COQ9: variants seen among roughly 807,000 people sequenced by gnomAD.
The protein encoded by COQ9 is coenzyme Q9.
COQ9 carries 35 observed loss-of-function variants against 42.4 expected under a neutral mutation model. The ratio of observed to expected loss-of-function variants is 0.83; its 90% CI spans 0.63 to 1.10. The LOEUF is 1.10. Ranked by LOEUF, COQ9 falls within the 50% of genes least tolerant of loss-of-function variation. The pLI, the probability that COQ9 is intolerant of heterozygous loss-of-function variation, is 0.00. For synonymous variants in COQ9, 155 were observed against 155.1 expected (o/e 1.00, Z 0.00); for missense variants, 406 against 414.6 (o/e 0.98, Z 0.18).
In COQ9 at chr16:57,451,165, G is replaced by T. The variant is rs768843120; in HGVS notation, c.199G>T (p.Gly67Trp). 7.4e-6 allele frequency: 12 copies of T among 1,614,128 alleles called. No homozygotes were observed. The South Asian group carries it at 1.3e-4, about 18-fold the overall frequency. Reference protein sequence around the residue: ...SFSQQHSETQGAEKPDPESSH... With the variant: ...SFSQQHSETQWAEKPDPESSH... ...TTCTCAGCAGCATTCTGAGACACAG[G>T]GGGCAGAAAAACCTGATCCAGAGTC... Residue 67 changes from glycine to tryptophan, a missense_variant, in exon 2 of 9, where the codon GGG (glycine) becomes TGG (tryptophan). By Grantham distance (184) the Gly-to-Trp change is radical. Transcript: ENST00000262507.
At chr16:57,455,271 G>T (rs1243882813) in intron 3 of COQ9, among the ~76,000 whole-genome samples, 1 of 151,672 alleles carries the variant, frequency 6.6e-6, no homozygotes, top group African/African-American at 2.4e-5. Flanking sequence ...TTGAGTATGA[G>T]GAGTTTTTGA....
In COQ9 at chr16:57,459,629, T is replaced by C; in HGVS notation, c.776T>C (p.Met259Thr). ...AIYNTTELVMMQDSSPDFEDT... is the reference protein window; with the variant it reads ...AIYNTTELVMTQDSSPDFEDT... The stretch of plus-strand genomic sequence containing the variant: ...TACAACACAACAGAGCTGGTGATGA[T>C]GCAGGACTCCTCTCCAGACTTTGAG... Residue 259 changes from methionine to threonine, a missense_variant, in exon 7 of 9, where the codon ATG (methionine) becomes ACG (threonine). By Grantham distance (81) the Met-to-Thr change is moderately conservative. Transcript: ENST00000262507. The C allele has an allele frequency of 6.2e-7, 1 of 1,614,136 alleles. No homozygotes were observed. Among genetic ancestry groups the C allele is most frequent in the Non-Finnish European group, 8.5e-7 (1 of 1,179,984 alleles).
At chr16:57,449,148 A>G (rs1278933872) in intron 1 of COQ9, among the ~76,000 whole-genome samples, 7 of 152,234 alleles carry the variant, frequency 4.6e-5, no homozygotes, top group African/African-American at 1.7e-4. Flanking sequence ...GTGAATAATT[A>G]TAAATAAGAT....
At chr16:57,453,495 ATGT>A (rs1421094016) in intron 3 of COQ9, 2 of 185,662 alleles carry the variant, frequency 1.1e-5, no homozygotes, top group East Asian at 2.7e-4. Context: ...TGTTCAGGCC[ATGT>A]TGTAGAGAAT....
At position 57,452,917 on chromosome 16, in the gene COQ9, C is replaced by T. The variant is rs1156599185; in HGVS notation, c.359C>T (p.Ala120Val). The T allele has an allele frequency of 4.3e-6, 7 of 1,613,648 alleles. No individual in the cohort carries two copies. Among genetic ancestry groups the T allele is most frequent in the African/African-American group, 2.7e-5 (2 of 74,996 alleles). Reference protein sequence around the residue: ...FVPAHGWTAEAIAEGAQSLGL... With the variant: ...FVPAHGWTAEVIAEGAQSLGL... The stretch of plus-strand genomic sequence containing the variant: ...CCCGCCCACGGGTGGACAGCAGAGG[C>T]GATTGCAGAAGGAGCCCAGGTGTGT... The change falls in exon 3 of 9, where the codon GCG (alanine) becomes GTG (valine). Residue 120 changes from alanine (A) to valine (V), a missense_variant. Physicochemically the swap from Ala to Val is moderately conservative, Grantham distance 64. Transcript: ENST00000262507.
intron 5 of COQ9, among the ~76,000 whole-genome samples, chr16:57,457,869 T>C (rs2030440671): frequency 6.6e-6 from 1 of 152,228 alleles, no homozygotes; most frequent in African/African-American, 2.4e-5. Context: ...AAGGACCTTG[T>C]TCTGTTTGTC....
chr16:57,450,974 T>A, intron 1 of COQ9, 66 bp from the exon 2 acceptor site: 1 of 1,566,450 alleles, frequency 6.4e-7, no homozygotes, highest in Non-Finnish European at 8.7e-7. Context: ...CTTATCTGTG[T>A]TACCACTCTG....
rs773083496 is a variant in COQ9, at chr16:57,459,682, G to A, written c.829G>A (p.Val277Ile). Residue 277 changes from valine (V) to isoleucine (I), a missense_variant, in exon 7 of 9, where the codon GTT becomes ATT. Val to Ile is a conservative substitution (Grantham distance 29). Coordinates refer to ENST00000262507, the MANE Select transcript of COQ9 (RefSeq NM_020312.4). The stretch of plus-strand genomic sequence containing the variant: ...CACTTGGCGCTTCCTGGAAAACCGG[G>A]TTAATGATGCAATGAACATGGGCCA... Reference protein sequence around the residue: ...EDTWRFLENRVNDAMNMGHTA... With the variant: ...EDTWRFLENRINDAMNMGHTA... The A allele has an allele frequency of 6.2e-7, 1 of 1,614,204 alleles. No homozygotes were observed. The highest frequency in any genetic ancestry group is 1.1e-5 in the South Asian group (1 of 91,080).
chr16:57,459,802 T>C (rs2030489706), intron 7 of COQ9, 82 bp downstream of exon 7: 34 of 1,546,404 alleles, frequency 2.2e-5, no homozygotes, highest in Non-Finnish European at 3.0e-5. Context: ...TTGCTCCCTT[T>C]TGGCCTCAGC....
chr16:57,448,105 AACTAATATCGCCTT>A (rs1195694274), intron 1 of COQ9, among the ~76,000 whole-genome samples: 3 of 152,232 alleles, frequency 2.0e-5, no homozygotes, highest in African/African-American at 7.2e-5. Context: ...ATAAATGGAA[AACTAATATCGCCTT>A]CCTTAATTAG....
At chr16:57,455,310 G>A (rs1283603257) in intron 3 of COQ9, among the ~76,000 whole-genome samples, 2 of 151,068 alleles carry the variant, frequency 1.3e-5, no homozygotes, top group South Asian at 2.1e-4. Context: ...CAAGCATACA[G>A]GTCAGGAACT....
At chr16:57,457,114 T>G in intron 5 of COQ9, 99 bp downstream of exon 5, 1 of 938,684 alleles carries the variant, frequency 1.1e-6, no homozygotes, top group Non-Finnish European at 1.7e-6. Context: ...GTTCAGAACT[T>G]AGCTTCTCAA....
At chr16:57,447,826 A>G in intron 1 of COQ9, 1 of 376,742 alleles carries the variant, frequency 2.7e-6, no homozygotes, top group Non-Finnish European at 4.7e-6. Flanking sequence ...AGAGCCTCAG[A>G]GAGGGCTCGG....
At chr16:57,448,584 TTTTTA>T (rs2030197170) in intron 1 of COQ9, among the ~76,000 whole-genome samples, 1 of 151,996 alleles carries the variant, frequency 6.6e-6, no homozygotes. Flanking sequence ...CCCAGCTAAT[TTTTTA>T]TTTTTAGTAG....
At chr16:57,458,214 C>G in intron 5 of COQ9, 32 bp from the exon 6 acceptor site, 1 of 1,499,526 alleles carries the variant, frequency 6.7e-7, no homozygotes, top group Non-Finnish European at 9.2e-7. Flanking sequence ...TACCTGTGAG[C>G]AGAGCTTACT....
intron 1 of COQ9, among the ~76,000 whole-genome samples, chr16:57,448,712 C>A (rs2030202999): frequency 6.6e-6 from 1 of 151,942 alleles, no homozygotes; most frequent in Non-Finnish European, 1.5e-5. Context: ...CGCCTAGCCC[C>A]CTTTTGTTGT....
intron 1 of COQ9, 163 bp from the exon 2 acceptor site, chr16:57,450,877 A>G: frequency 1.3e-6 from 1 of 792,924 alleles, no homozygotes; most frequent in Non-Finnish European, 2.1e-6. Context: ...CGTGTCCCAA[A>G]GTTCCCAGTT....
intron 3 of COQ9, chr16:57,453,322 A>G: frequency 3.1e-6 from 1 of 320,390 alleles, no homozygotes; most frequent in Non-Finnish European, 6.0e-6. Context: ...CTGATTTTTT[A>G]AAATGAAAAA....
intron 3 of COQ9, among the ~76,000 whole-genome samples, chr16:57,455,911 C>T (rs1380707034): frequency 6.6e-6 from 1 of 151,970 alleles, no homozygotes; most frequent in Non-Finnish European, 1.5e-5. Context: ...GACCCCATCT[C>T]TACAAAAACA....
Sources: gnomAD v4.1 joint callset for allele counts (sites outside exome capture counted in the v4.1 genomes callset) on GRCh38, gnomAD v4.1.1 for gene constraint, MANE v1.5 for transcripts, NCBI Gene and HGNC (gene_info 2026-07-23, HGNC 2026-07-21) for gene names.